RBM10: variants seen among roughly 807,000 people sequenced by gnomAD.
RBM10 encodes RNA binding motif protein 10.
Under a neutral mutation model 84.9 loss-of-function variants are expected in RBM10, and 1 was observed. The ratio of observed to expected loss-of-function variants is 0.01; its 90% confidence interval spans 0.00 to 0.06. The LOEUF (loss-of-function observed/expected upper bound fraction) is 0.06, where lower values mean the gene tolerates loss of function less well. RBM10 is among the 10% of genes least tolerant of loss of function. The pLI is 1.00. For missense variants in RBM10, 438 were observed against 839.0 expected, an observed-to-expected ratio of 0.52 and a Z score of 5.90; for synonymous variants, 326 against 344.5, an observed-to-expected ratio of 0.95 and a Z score of 0.60.
In RBM10 at chrX:47,179,320, G is replaced by C. The variant is rs782784307; in HGVS notation, c.726G>C (p.Glu242Asp). ...CCTGTCTCCCACTGCCCCTGACAGA[G>C]GCAGAGCAGAAGCTGCCCCTCGGCA... ...KCFKCGVPKS[E>D]AEQKLPLGTR... Residue 242 changes from glutamate (E) to aspartate (D), a missense_variant and splice_region_variant, in exon 9 of 24, where the codon GAG becomes GAC. Glu to Asp is a conservative substitution (Grantham distance 45, BLOSUM62 2). Coordinates refer to ENST00000377604, the MANE Select transcript of RBM10 (RefSeq NM_005676.5). 1.7e-6 allele frequency: 2 copies of C among 1,198,364 alleles called. No homozygotes were observed. Among genetic ancestry groups the C allele is most frequent in the Non-Finnish European group, 1.1e-6 (1 of 889,735 alleles).
At chrX:47,171,649 G>A (rs191507516) in intron 4 of RBM10, among the ~76,000 whole-genome samples, 1 of 112,632 alleles carries the variant, frequency 8.9e-6, no homozygotes, top group East Asian at 2.8e-4. Flanking sequence ...GTAACCATTG[G>A]GGGAGGGATG....
rs41303207 is a variant in RBM10, at chrX:47,186,683, C to A, written c.*84C>A. The A allele has an allele frequency of 2.0e-3, 2,280 of 1,135,282 alleles. 1 individual carries two copies. The highest frequency in any genetic ancestry group is 2.4e-3 in the Non-Finnish European group (2,020 of 831,206). The allele number at this position is 1,135,282 out of a possible 1,213,427, so 93.6% of individuals were successfully genotyped here. On this transcript the variant is annotated 3_prime_UTR_variant, in exon 24 of 24. Coordinates refer to ENST00000377604, the MANE Select transcript of RBM10 (RefSeq NM_005676.5). ...AGAGTGTTGGATGGCTGGGACGGGG[C>A]CTTGCTCTTGTCGGCCAGCCCACTC...
At chrX:47,147,644 A>G in intron 2 of RBM10, 146 bp downstream of exon 2, 1 of 737,573 alleles carries the variant, frequency 1.4e-6, no homozygotes, top group South Asian at 2.5e-5. Context: ...GGTGTTTGGC[A>G]CCTGTTGTGA....
chrX:47,181,108 A>T, intron 12 of RBM10, 107 bp from the exon 13 acceptor site: 1 of 514,781 alleles, frequency 1.9e-6, no homozygotes, highest in Non-Finnish European at 3.2e-6. Flanking sequence ...TTTGTCTGTC[A>T]GGTAGAAATA....
intron 2 of RBM10, among the ~76,000 whole-genome samples, chrX:47,163,405 G>A (rs1933883456): frequency 8.9e-6 from 1 of 111,957 alleles, no homozygotes; most frequent in Admixed American, 9.5e-5. Context: ...GGGTATACAG[G>A]GATTCTTTGA....
In RBM10 at chrX:47,145,356, C is replaced by G. The variant is rs1007920530; in HGVS notation, c.-255C>G. On this transcript the variant is annotated 5_prime_UTR_variant, in exon 1 of 24. Coordinates refer to ENST00000377604, the MANE Select transcript of RBM10 (RefSeq NM_005676.5). Reference sequence around the variant, plus strand: ...CGCGCTTGGCGCTTCTCCCCTCCCCCCGATCTGCCTCCAGTCTCGGACTTG... The same window carrying G: ...CGCGCTTGGCGCTTCTCCCCTCCCCGCGATCTGCCTCCAGTCTCGGACTTG... 1.0e-4 allele frequency: 98 copies of G among 984,565 alleles called. No individual in the cohort carries two copies. The highest frequency in any genetic ancestry group is 1.8e-4 in the South Asian group (9 of 49,059). The allele number at this position is 984,565 out of a possible 1,213,427, so 81.1% of individuals were successfully genotyped here. A position where few individuals can be genotyped will look rare whatever the true frequency, so the allele number is the denominator to read the frequency against.
rs2147193231 is a variant in RBM10 at position 47,181,840 on chromosome X, C to T, written c.1667C>T (p.Thr556Ile). The T allele has an allele frequency of 8.3e-7, 1 of 1,211,928 alleles. No homozygotes were observed. Among genetic ancestry groups the T allele is most frequent in the Non-Finnish European group, 1.1e-6 (1 of 895,581 alleles). Reference sequence around the variant, plus strand: ...GCTCTCCCACCGGCTACCAGCCCCACTGCCCAGGAATCCTACAGCCAGTAC... The same window carrying T: ...GCTCTCCCACCGGCTACCAGCCCCATTGCCCAGGAATCCTACAGCCAGTAC... ...SSALPPATSPTAQESYSQYPV... is the reference protein window; with the variant it reads ...SSALPPATSPIAQESYSQYPV... The change falls in exon 15 of 24, where the codon ACT becomes ATT. Residue 556 changes from threonine to isoleucine, a missense_variant. Physicochemically the swap from Thr to Ile is moderately conservative, Grantham distance 89. Coordinates refer to ENST00000377604, the MANE Select transcript of RBM10 (RefSeq NM_005676.5).
intron 2 of RBM10, chrX:47,157,233 G>A (rs907942888): frequency 3.1e-5 from 9 of 288,944 alleles, no homozygotes; most frequent in East Asian, 1.7e-4. Context: ...CATTGTGTCC[G>A]CGGAGAATTT....
In RBM10 at chrX:47,181,534, C is replaced by T. The variant is rs1233279563; in HGVS notation, c.1463C>T (p.Ala488Val). ...AGPEASLEPGADSVSMQAFSR... is the reference protein window; with the variant it reads ...AGPEASLEPGVDSVSMQAFSR... ...CCCGAGGCCTCCCTAGAGCCTGGGG[C>T]CGACTCTGTGTCGATGCAGGCTTTC... The change falls in exon 14 of 24, where the codon GCC (alanine) becomes GTC (valine). Residue 488 changes from alanine to valine, a missense_variant. Coordinates refer to ENST00000377604, the MANE Select transcript of RBM10 (RefSeq NM_005676.5). 8 of 1,210,302 alleles carry T rather than the reference C, an allele frequency of 6.6e-6. No homozygotes were observed. Among genetic ancestry groups the T allele is most frequent in the Non-Finnish European group, 7.8e-6 (7 of 895,141 alleles).
At chrX:47,185,234 C>T (rs2147212225) in intron 18 of RBM10, 30 bp downstream of exon 18, 1 of 1,212,239 alleles carries the variant, frequency 8.2e-7, no homozygotes, top group African/African-American at 1.7e-5. Flanking sequence ...CTGCACCCTG[C>T]CCCACAATCT....
Position 47,182,307 on chromosome X carries a change from A to G in RBM10, c.1931A>G (p.Lys644Arg). 8.3e-7 allele frequency: 1 copy of G among 1,207,294 alleles called. No homozygotes were observed. The highest frequency in any genetic ancestry group is 1.1e-6 in the Non-Finnish European group (1 of 892,907). ...GGCAAAGAGAAGAAGGAGAAGCACA[A>G]GACCAAGACAGCTCAACAGGTGAAC... ...KEGKEKKEKH[K>R]TKTAQQIAKD... The change falls in exon 17 of 24, where the codon AAG becomes AGG. Residue 644 changes from lysine (K) to arginine (R), a missense_variant. Transcript: ENST00000377604.
At chrX:47,156,079 G>T (rs781913293) in intron 2 of RBM10, among the ~76,000 whole-genome samples, 29 of 110,153 alleles carry the variant, frequency 2.6e-4, no homozygotes, top group African/African-American at 8.9e-4. Context: ...AAAGTGCTCG[G>T]ATTATAGGTG....
At chrX:47,153,237 T>A (rs781813553) in intron 2 of RBM10, among the ~76,000 whole-genome samples, 82 of 112,022 alleles carry the variant, frequency 7.3e-4, no homozygotes, top group African/African-American at 2.4e-3. Context: ...TATCAGGAAA[T>A]TAAACAATTA....
Position 47,163,859 on chromosome X carries a change from A to ATTTTT in RBM10, c.18-5433_18-5429dup, listed in dbSNP as rs35919377. On this transcript the variant is annotated intron_variant, in intron 2 of 23. Coordinates refer to ENST00000377604, the MANE Select transcript of RBM10 (RefSeq NM_005676.5). The stretch of plus-strand genomic sequence containing the variant: ...AGGCGCCTGCCACCACGCCTGGCTA[A>ATTTTT]TTTTTTTTTTTTTTTTTTTTTTTTT... Among the ~76,000 whole-genome samples, 29 of 40,100 alleles carry ATTTTT rather than the reference A, an allele frequency of 7.2e-4. 6 individuals are homozygous for ATTTTT. The highest frequency in any genetic ancestry group is 4.2e-3 in the African/African-American group (26 of 6,218). The allele number at this position is 40,100 out of a possible 115,157, so 34.8% of individuals were successfully genotyped here.
In RBM10 at chrX:47,180,426, G is replaced by A. The variant is rs782646415; in HGVS notation, c.1168G>A (p.Ala390Thr). 1 of 1,206,335 alleles carries A rather than the reference G, an allele frequency of 8.3e-7. No homozygotes were observed. Among genetic ancestry groups the A allele is most frequent in the Non-Finnish European group, 1.1e-6 (1 of 893,510 alleles). Residue 390 changes from alanine to threonine, a missense_variant, in exon 12 of 24, where the codon GCC becomes ACC. Transcript: ENST00000377604. ...EFAKGSKRDM[A>T]SNEGSRISAA... ...CTCTAACATCCTCCTCAGGGACATG[G>A]CCTCCAATGAAGGCAGTCGCATCAG...
chrX:47,166,390 C>T lies in RBM10; in HGVS notation c.18-2925C>T, dbSNP rs148794207. Among the ~76,000 whole-genome samples, 255 of 111,627 alleles carry T rather than the reference C, an allele frequency of 2.3e-3. 1 individual carries two copies. Among genetic ancestry groups the T allele is most frequent in the African/African-American group, 7.9e-3 (243 of 30,750 alleles). ...ACTGCACTCAGCCTGGGCAACAGAC[C>T]GAGACCTTGTCTCAAGTAAAATAAA... On this transcript the variant is annotated intron_variant, in intron 2 of 23. Coordinates refer to ENST00000377604, the MANE Select transcript of RBM10 (RefSeq NM_005676.5).
chrX:47,150,874 A>G (rs932439485), intron 2 of RBM10, among the ~76,000 whole-genome samples: 36 of 112,203 alleles, frequency 3.2e-4, no homozygotes, highest in African/African-American at 1.1e-3. Context: ...GATCGATGTT[A>G]CACTGAACTT....
At chrX:47,172,984 C>T (rs782702094) in intron 4 of RBM10, 144 bp from the exon 5 acceptor site, 4 of 1,144,138 alleles carry the variant, frequency 3.5e-6, no homozygotes, top group African/African-American at 1.8e-5. Context: ...GCTGTTGTCA[C>T]TCAGGGAAAA....
chrX:47,160,489 A>T (rs1556766459), intron 2 of RBM10, among the ~76,000 whole-genome samples: 1 of 111,899 alleles, frequency 8.9e-6, no homozygotes, highest in East Asian at 2.8e-4. Context: ...GCCAACAAAC[A>T]TGAAAAAATG....
Sources: gnomAD v4.1 joint callset for allele counts (sites outside exome capture counted in the v4.1 genomes callset) on GRCh38, gnomAD v4.1.1 for gene constraint, MANE v1.5 for transcripts, NCBI Gene and HGNC (gene_info 2026-07-23, HGNC 2026-07-21) for gene names.